The following SGIP1 variants were observed in gnomAD, a reference collection of about 807,000 sequenced individuals.
The protein encoded by SGIP1 is SH3-containing GRB2-like protein 3-interacting protein 1.
Under a neutral mutation model 107.5 loss-of-function variants are expected in SGIP1, and 38 were observed. The ratio of observed to expected loss-of-function variants is 0.35; its 90% CI spans 0.27 to 0.46. The LOEUF is 0.46. Ranked by LOEUF, SGIP1 falls within the 20% of genes least tolerant of loss-of-function variation. The probability of loss-of-function intolerance (pLI) is 1.00; values close to 1 mark genes in which losing one functional copy is unlikely to be tolerated. For missense variants in SGIP1, 929 were observed against 1,019.5 expected, an observed-to-expected ratio of 0.91 and a Z score of 1.21; for synonymous variants, 365 against 366.1, an observed-to-expected ratio of 1.00 and a Z score of 0.03.
rs544398027 is a variant in SGIP1, at chr1:66,722,634, A to G, written c.1742+3229A>G. 9.5e-4 allele frequency among the ~76,000 whole-genome samples: 144 copies of G among 152,356 alleles called. 3 individuals carry two copies. In the South Asian group the frequency reaches 0.027, roughly 29 times the overall value. ...CTCATATGGAAAATAGGACTTGTGC[A>G]TAAATATAATACCAAGTGCACCAGA... On this transcript the variant is annotated intron_variant, in intron 19 of 24. Transcript: ENST00000371037.
At chr1:66,717,856 A>G (rs989508599) in intron 18 of SGIP1, among the ~76,000 whole-genome samples, 1 of 152,204 alleles carries the variant, frequency 6.6e-6, no homozygotes, top group Non-Finnish European at 1.5e-5. Context: ...AATAATGTTA[A>G]TGGAGGTCAT....
rs200789505 is a variant in SGIP1, at chr1:66,667,534, G to T, written c.476G>T (p.Arg159Leu). The T allele has an allele frequency of 1.2e-6, 2 of 1,613,598 alleles. No homozygotes were observed. Among genetic ancestry groups the T allele is most frequent in the South Asian group, 1.1e-5 (1 of 91,070 alleles). The change falls in exon 9 of 25, where the codon CGC (arginine) becomes CTC (leucine). Residue 159 changes from arginine (R) to leucine (L), a missense_variant. This residue lies in a region of SGIP1 where 588 missense variants were observed against 588.6 expected (regional missense o/e 1.00). Coordinates refer to ENST00000371037, the MANE Select transcript of SGIP1 (RefSeq NM_032291.4). ...CTTCCTTTTTGCTGATCACAGAGGC[G>T]CAGCCCGGTAAGAACTCTCAACATT... ...SPSPVRKSPRRSPGAIKRNLS... is the reference protein window; with the variant it reads ...SPSPVRKSPRLSPGAIKRNLS...
chr1:66,630,829 A>AAGAGAGAGAGAGAGAGAGAG lies in SGIP1; in HGVS notation c.75-2238_75-2237insGAGAGAGAGAGAGAGAGAGA, dbSNP rs1558132778. Reference sequence around the variant, plus strand: ...AAAGAAAGAAAGAAAGAAAGAAAGAAAGAAAGAAAGAAAGAAAGAAAGAAA... The same window carrying AAGAGAGAGAGAGAGAGAGAG: ...AAAGAAAGAAAGAAAGAAAGAAAGAAAGAGAGAGAGAGAGAGAGAGAGAAAGAAAGAAAGAAAGAAAGAAA... On this transcript the variant is annotated intron_variant, in intron 2 of 24. Coordinates refer to ENST00000371037, the MANE Select transcript of SGIP1 (RefSeq NM_032291.4). Among the ~76,000 whole-genome samples, 7 of 9,276 alleles carry AAGAGAGAGAGAGAGAGAGAG rather than the reference A, an allele frequency of 7.5e-4. 1 individual carries two copies. Among genetic ancestry groups the AAGAGAGAGAGAGAGAGAGAG allele is most frequent in the African/African-American group, 3.1e-3 (7 of 2,260 alleles). 6.1% of individuals were successfully genotyped at this position (9,276 alleles called of 152,430 possible). A position where few individuals can be genotyped will look rare whatever the true frequency, so the allele number is the denominator to read the frequency against.
chr1:66,539,633 C>A (rs1360983470), intron 1 of SGIP1, among the ~76,000 whole-genome samples: 4 of 152,318 alleles, frequency 2.6e-5, no homozygotes, highest in Middle Eastern at 3.4e-3. Context: ...TCAAATACTT[C>A]ACTCACACTG....
At chr1:66,604,293 T>C (rs1036970813) in intron 1 of SGIP1, among the ~76,000 whole-genome samples, 1 of 152,116 alleles carries the variant, frequency 6.6e-6, no homozygotes. Flanking sequence ...AAATATTCCA[T>C]GCAAGAAACC....
chr1:66,594,816 C>A (rs943531046), intron 1 of SGIP1, among the ~76,000 whole-genome samples: 2 of 152,092 alleles, frequency 1.3e-5, no homozygotes, highest in African/African-American at 4.8e-5. Flanking sequence ...TGATAGGACC[C>A]AACCTCACAA....
chr1:66,742,106 C>T (rs966140435), intron 24 of SGIP1, among the ~76,000 whole-genome samples: 4 of 152,158 alleles, frequency 2.6e-5, no homozygotes, highest in Admixed American at 1.3e-4. Flanking sequence ...ACTTTTTGTT[C>T]TCTGACAGGA....
chr1:66,734,819 T>C (rs1557800171), intron 21 of SGIP1, among the ~76,000 whole-genome samples: 1 of 152,140 alleles, frequency 6.6e-6, no homozygotes, highest in Non-Finnish European at 1.5e-5. Context: ...CCCTAGATTT[T>C]TTTAAACTTT....
chr1:66,686,421 A>C (rs1372718597), intron 15 of SGIP1, among the ~76,000 whole-genome samples: 1 of 152,202 alleles, frequency 6.6e-6, no homozygotes, highest in Non-Finnish European at 1.5e-5. Flanking sequence ...TAAATCTTAA[A>C]CAGTGTTGCT....
At chr1:66,663,107 A>T (rs1448571053) in intron 8 of SGIP1, among the ~76,000 whole-genome samples, 2 of 152,122 alleles carry the variant, frequency 1.3e-5, no homozygotes, top group African/African-American at 4.8e-5. Context: ...CTCTCTGAAG[A>T]CCTGGCAGGA....
intron 2 of SGIP1, among the ~76,000 whole-genome samples, chr1:66,628,818 A>G (rs1462358408): frequency 6.7e-6 from 1 of 148,584 alleles, no homozygotes; most frequent in Non-Finnish European, 1.5e-5. Flanking sequence ...CTAACGAGAC[A>G]TTTGTTTAAA....
At chr1:66,671,051 A>G (rs749345369) in intron 10 of SGIP1, 32 bp downstream of exon 10, 2 of 1,185,720 alleles carry the variant, frequency 1.7e-6, no homozygotes, top group South Asian at 1.5e-5. Flanking sequence ...GAAATAGTGT[A>G]TGATTTAAAA....
chr1:66,546,299 T>G (rs2148159287), intron 1 of SGIP1, among the ~76,000 whole-genome samples: 1 of 152,302 alleles, frequency 6.6e-6, no homozygotes. Context: ...ATATAGTATC[T>G]CACATATGTC....
intron 18 of SGIP1, among the ~76,000 whole-genome samples, chr1:66,709,287 A>C (rs2092748792): frequency 6.8e-6 from 1 of 147,676 alleles, no homozygotes; most frequent in Non-Finnish European, 1.5e-5. Context: ...CATTTTCATG[A>C]AGGAGAACAT....
intron 19 of SGIP1, among the ~76,000 whole-genome samples, chr1:66,724,681 A>G (rs528142863): frequency 1.1e-4 from 17 of 152,316 alleles, no homozygotes; most frequent in Admixed American, 5.9e-4. Context: ...AACAACTTGC[A>G]TAGTTAGGAG....
chr1:66,536,273 T>C (rs2053587676), intron 1 of SGIP1, among the ~76,000 whole-genome samples: 1 of 152,196 alleles, frequency 6.6e-6, no homozygotes, highest in African/African-American at 2.4e-5. Context: ...TGGATACAGT[T>C]GTCTTTCACC....
chr1:66,553,272 C>T (rs1571226250), intron 1 of SGIP1, among the ~76,000 whole-genome samples: 1 of 152,220 alleles, frequency 6.6e-6, no homozygotes, highest in Non-Finnish European at 1.5e-5. Context: ...TTCAGAATGA[C>T]CCTCAAAGCC....
At chr1:66,713,731 A>C (rs1010576642) in intron 18 of SGIP1, among the ~76,000 whole-genome samples, 2 of 152,100 alleles carry the variant, frequency 1.3e-5, no homozygotes, top group African/African-American at 4.8e-5. Context: ...TTATTACAGG[A>C]ACTCATATTT....
At chr1:66,719,458 T>C in intron 19 of SGIP1, 53 bp downstream of exon 19, 1 of 1,416,664 alleles carries the variant, frequency 7.1e-7, no homozygotes, top group East Asian at 2.3e-5. Context: ...CTATTGAGTG[T>C]GGAACAGCCT....
Sources: gnomAD v4.1 joint callset for allele counts (sites outside exome capture counted in the v4.1 genomes callset) on GRCh38, gnomAD v4.1.1 for gene constraint, gnomAD v4.1.1 regional missense constraint, MANE v1.5 for transcripts, NCBI Gene and HGNC (gene_info 2026-07-23, HGNC 2026-07-21) for gene names.